Variants in PHF2 observed in about 807,000 individuals in gnomAD.
PHF2 encodes the protein lysine-specific demethylase PHF2.
In PHF2, 27 loss-of-function variants were observed where a neutral mutation model predicts 120.5. The observed-to-expected ratio is 0.22, with a 90% confidence interval of 0.17 to 0.31. The LOEUF is 0.31. Among genes scored for constraint, PHF2 ranks in the 10% least tolerant of loss-of-function variants. PHF2 has a pLI of 1.00. For synonymous variants in PHF2, 568 were observed against 592.5 expected (o/e 0.96, Z 0.60); for missense variants, 1,024 against 1,434.8 (o/e 0.71, Z 4.63).
rs140032662 is a variant in PHF2 at position 93,664,418 on chromosome 9, G to A, written c.1937+783G>A. Among the ~76,000 whole-genome samples the A allele has an allele frequency of 2.0e-3, 311 of 152,324 alleles. 3 individuals are homozygous for A. The highest frequency in any genetic ancestry group is 6.5e-3 in the African/African-American group (272 of 41,572). On this transcript the variant is annotated intron_variant, in intron 14 of 21. Coordinates refer to ENST00000359246, the MANE Select transcript of PHF2 (RefSeq NM_005392.4). ...TTGGGCCTGTGTGTGCTCCCGGTGC[G>A]TGGGACATGTCACCTGCTGAGGCCC...
At chr9:93,648,264 GTC>G (rs1826296207) in intron 4 of PHF2, among the ~76,000 whole-genome samples, 1 of 152,228 alleles carries the variant, frequency 6.6e-6, no homozygotes, top group Non-Finnish European at 1.5e-5. Flanking sequence ...TGCTGAGCAG[GTC>G]TCTCTGTCCC....
At position 93,609,570 on chromosome 9, in the gene PHF2, T is replaced by G. The variant is rs1825600737; in HGVS notation, c.99-20400T>G. Among the ~76,000 whole-genome samples, 3 of 152,088 alleles carry G rather than the reference T, an allele frequency of 2.0e-5. No homozygotes were observed. In the South Asian group the frequency reaches 6.2e-4, roughly 32 times the overall value. On this transcript the variant is annotated intron_variant, in intron 1 of 21. Transcript: ENST00000359246. ...CTAGGTTGGTTTTTTTTTTTTTCTT[T>G]CAACACTTTGAATGTTTTACTCCCC...
In PHF2 at chr9:93,679,297, T is replaced by G. The variant is rs1379481683; in HGVS notation, c.*1621T>G. 1 of 454,726 alleles carries G rather than the reference T, an allele frequency of 2.2e-6. No homozygotes were observed. Among genetic ancestry groups the G allele is most frequent in the Admixed American group, 2.4e-5 (1 of 42,350 alleles). 28.2% of individuals were successfully genotyped at this position (454,726 alleles called of 1,614,324 possible). On this transcript the variant is annotated 3_prime_UTR_variant, in exon 22 of 22. Transcript: ENST00000359246. ...CCGAGACTGGGTGGGAGAGGGGGAG[T>G]CTCACGGGGCCCCAGGCTTATTCAG...
In PHF2 at chr9:93,677,092, A is replaced by G; in HGVS notation, c.3202+129A>G. 9.7e-7 allele frequency: 1 copy of G among 1,034,368 alleles called. No homozygotes were observed. Among genetic ancestry groups the G allele is most frequent in the South Asian group, 1.8e-5 (1 of 54,410 alleles). The allele number at this position is 1,034,368 out of a possible 1,614,324, so 64.1% of individuals were successfully genotyped here. On this transcript the variant is annotated intron_variant, in intron 21 of 21. Coordinates refer to ENST00000359246, the MANE Select transcript of PHF2 (RefSeq NM_005392.4). The surrounding 1 kb of genome is among the most constrained non-coding windows in gnomAD (Gnocchi z 4.4). ...GGAGGGCTCCTGGGCCTTGGGTGGC[A>G]GGGTGCTGTGGTCCAAGTTGGTTGC...
At chr9:93,663,160 G>A in intron 13 of PHF2, 134 bp downstream of exon 13, 1 of 1,274,266 alleles carries the variant, frequency 7.8e-7, no homozygotes, top group Non-Finnish European at 1.1e-6. Flanking sequence ...AGGTAGTGCT[G>A]TGGGGTGTGC....
chr9:93,592,591 G>A (rs73651271), intron 1 of PHF2, among the ~76,000 whole-genome samples: 21,599 of 151,966 alleles, frequency 0.14, 3,388 homozygotes, highest in African/African-American at 0.38. Context: ...AGTCTCTGTC[G>A]CTCAGTGTTC....
At position 93,672,534 on chromosome 9, in the gene PHF2, G is replaced by T; in HGVS notation, c.2349-1051G>T. 7.1e-6 allele frequency: 7 copies of T among 985,004 alleles called. No individual in the cohort carries two copies. In the South Asian group the frequency reaches 1.4e-4, roughly 20 times the overall value. The allele number at this position is 985,004 out of a possible 1,614,324, so 61.0% of individuals were successfully genotyped here. A position where few individuals can be genotyped will look rare whatever the true frequency, so the allele number is the denominator to read the frequency against. The stretch of plus-strand genomic sequence containing the variant: ...GGTGTAGGTACAGGTGCAGATGCAG[G>T]TGTGGGGGTAGGTATAGGTGTAGAT... On this transcript the variant is annotated intron_variant, in intron 17 of 21. Coordinates refer to ENST00000359246, the MANE Select transcript of PHF2 (RefSeq NM_005392.4).
chr9:93,597,857 C>T (rs1215908751), intron 1 of PHF2, among the ~76,000 whole-genome samples: 2 of 152,146 alleles, frequency 1.3e-5, no homozygotes, highest in African/African-American at 2.4e-5. Flanking sequence ...AAAGAACTCT[C>T]CCCTCTTCCT....
intron 1 of PHF2, among the ~76,000 whole-genome samples, chr9:93,604,631 A>AT (rs201933134): frequency 0.014 from 2,187 of 151,694 alleles, 61 homozygotes; most frequent in East Asian, 0.095. Flanking sequence ...CACCCGGCTA[A>AT]TTTTTTGTAT....
At chr9:93,659,945 T>C (rs182976566) in intron 11 of PHF2, among the ~76,000 whole-genome samples, 72 of 152,260 alleles carry the variant, frequency 4.7e-4, no homozygotes, top group Admixed American at 9.2e-4. Context: ...GCCGCTGTGC[T>C]GGGGTAGGAC....
intron 1 of PHF2, among the ~76,000 whole-genome samples, chr9:93,578,902 A>G (rs1272629705): frequency 6.6e-6 from 1 of 152,270 alleles, no homozygotes; most frequent in Non-Finnish European, 1.5e-5. Context: ...ATTCTCACCT[A>G]TTTGGGGTGG....
At chr9:93,597,015 C>A (rs772709604) in intron 1 of PHF2, among the ~76,000 whole-genome samples, 50 of 149,356 alleles carry the variant, frequency 3.3e-4, no homozygotes, top group Non-Finnish European at 6.2e-4. Context: ...ACTGCCAGCT[C>A]TGCCTCCCCA....
At chr9:93,650,683 C>T (rs748166247) in intron 5 of PHF2, among the ~76,000 whole-genome samples, 1 of 152,224 alleles carries the variant, frequency 6.6e-6, no homozygotes, top group African/African-American at 2.4e-5. Context: ...GTTCTCCCCC[C>T]AGGCTGTCAG....
intron 1 of PHF2, among the ~76,000 whole-genome samples, chr9:93,578,686 C>T (rs150725953): frequency 2.6e-5 from 4 of 152,212 alleles, no homozygotes; most frequent in East Asian, 1.9e-4. Context: ...AACTAGACTT[C>T]GAGGCCAAGG....
chr9:93,676,648 ACCACCTCCCCTT>A lies in PHF2; in HGVS notation c.2896_2907del (p.Pro966_Ser969del). 2.5e-6 allele frequency: 4 copies of A among 1,605,850 alleles called. No individual in the cohort carries two copies. The highest frequency in any genetic ancestry group is 3.4e-6 in the Non-Finnish European group (4 of 1,176,048). Reference sequence around the variant, plus strand: ...TGCCAAGAGGAAGCTGACTCCTAACACCACCTCCCCTTCCACCTCCACCTCCATCTCTGCCGG... The same window carrying A: ...TGCCAAGAGGAAGCTGACTCCTAACACCACCTCCACCTCCATCTCTGCCGG... On this transcript the variant is annotated inframe_deletion, in exon 21 of 22. Coordinates refer to ENST00000359246, the MANE Select transcript of PHF2 (RefSeq NM_005392.4).
At chr9:93,660,099 G>A (rs1826533194) in intron 11 of PHF2, 93 bp from the exon 12 acceptor site, 1 of 1,416,140 alleles carries the variant, frequency 7.1e-7, no homozygotes, top group Non-Finnish European at 9.3e-7. Context: ...CCGCCAGCCT[G>A]GCACTGAGTG....
chr9:93,645,077 G>A (rs751912101), intron 3 of PHF2, among the ~76,000 whole-genome samples: 2 of 152,188 alleles, frequency 1.3e-5, no homozygotes, highest in Non-Finnish European at 2.9e-5. Context: ...TAGGCAGGGC[G>A]AGAGAGAGAC....
At chr9:93,665,134 G>T (rs1826651108) in intron 14 of PHF2, among the ~76,000 whole-genome samples, 1 of 152,238 alleles carries the variant, frequency 6.6e-6, no homozygotes, top group South Asian at 2.1e-4. Flanking sequence ...CTGTTTCTTA[G>T]ACTGTTACAT....
chr9:93,654,659 C>G (rs1446331696), intron 7 of PHF2, 84 bp downstream of exon 7: 3 of 1,332,454 alleles, frequency 2.3e-6, no homozygotes, highest in Non-Finnish European at 3.2e-6. Flanking sequence ...GGACCGTGTC[C>G]CCACCATGGG....
Sources: allele counts gnomAD v4.1 joint callset (sites outside exome capture counted in the v4.1 genomes callset), GRCh38; gene constraint gnomAD v4.1.1; non-coding constraint Gnocchi (gnomAD v3.1); transcripts MANE v1.5; gene names NCBI Gene and HGNC (gene_info 2026-07-23, HGNC 2026-07-21).